PIK3AP1: variants seen among roughly 807,000 people sequenced by gnomAD.
PIK3AP1 encodes the protein phosphoinositide-3-kinase adaptor protein 1.
Under a neutral mutation model 88.1 loss-of-function variants are expected in PIK3AP1, and 21 were observed. The ratio of observed to expected loss-of-function variants is 0.24; its 90% CI spans 0.17 to 0.34. The LOEUF (loss-of-function observed/expected upper bound fraction) is 0.34. Among genes scored for constraint, PIK3AP1 ranks in the 10% least tolerant of loss-of-function variants. The pLI is 1.00. For synonymous variants in PIK3AP1, 398 were observed against 400.0 expected (o/e 1.00, Z 0.06); for missense variants, 828 against 1,035.7 (o/e 0.80, Z 2.75).
In PIK3AP1 at chr10:96,688,318, C is replaced by T. The variant is rs117785875; in HGVS notation, c.430+21249G>A. On this transcript the variant is annotated intron_variant, in intron 2 of 16. Transcript: ENST00000339364. ...GGGGTTGGTGATAAGAATCAAAGGG[C>T]GAGGATAAGTCACAGGAACTTAGCA... Among the ~76,000 whole-genome samples the T allele has an allele frequency of 2.5e-3, 376 of 152,046 alleles. 1 individual carries two copies. Among genetic ancestry groups the T allele is most frequent in the South Asian group, 9.7e-3 (47 of 4,822 alleles).
intron 8 of PIK3AP1, among the ~76,000 whole-genome samples, chr10:96,640,815 G>A (rs753445113): frequency 3.3e-5 from 5 of 151,632 alleles, no homozygotes; most frequent in Non-Finnish European, 7.4e-5. Flanking sequence ...GTGCCACCAC[G>A]CCCTGCTAAT....
chr10:96,694,863 C>T (rs1025600082), intron 2 of PIK3AP1, among the ~76,000 whole-genome samples: 2 of 152,050 alleles, frequency 1.3e-5, no homozygotes, highest in African/African-American at 4.8e-5. Context: ...GACTCAATGG[C>T]TTCTTGCCTC....
At chr10:96,656,696 T>G in intron 3 of PIK3AP1, 102 bp downstream of exon 3, 1 of 1,479,912 alleles carries the variant, frequency 6.8e-7, no homozygotes. Context: ...GCAATTATAC[T>G]GAGGTGCAAT....
chr10:96,668,636 G>A (rs1208767049), intron 2 of PIK3AP1, among the ~76,000 whole-genome samples: 1 of 152,184 alleles, frequency 6.6e-6, no homozygotes, highest in Non-Finnish European at 1.5e-5. Flanking sequence ...AGGGGAACCT[G>A]TGTGTCTCTG....
intron 2 of PIK3AP1, among the ~76,000 whole-genome samples, chr10:96,660,046 G>T (rs937396352): frequency 6.6e-6 from 1 of 151,954 alleles, no homozygotes; most frequent in African/African-American, 2.4e-5. Context: ...AATGGATAGA[G>T]CAATTGAATA....
At chr10:96,688,774 G>A (rs546554002) in intron 2 of PIK3AP1, among the ~76,000 whole-genome samples, 2 of 152,012 alleles carry the variant, frequency 1.3e-5, no homozygotes, top group Non-Finnish European at 2.9e-5. Context: ...CTCCAGGCCT[G>A]GGTGATAGAG....
intron 2 of PIK3AP1, among the ~76,000 whole-genome samples, chr10:96,682,011 TATAGAGAGAG>T (rs1326583492): frequency 2.3e-5 from 3 of 130,880 alleles, no homozygotes; most frequent in Non-Finnish European, 3.3e-5. Context: ...TATATATATA[TATAGAGAGAG>T]AGAGAGAGAG....
At chr10:96,717,079 G>A (rs1264886980) in intron 1 of PIK3AP1, among the ~76,000 whole-genome samples, 2 of 152,026 alleles carry the variant, frequency 1.3e-5, no homozygotes, top group African/African-American at 4.8e-5. Flanking sequence ...CTGGCATGGT[G>A]AAACCCTGTC....
At position 96,651,476 on chromosome 10, in the gene PIK3AP1, C is replaced by T. The variant is rs199881926; in HGVS notation, c.855+33G>A. The T allele has an allele frequency of 4.0e-4, 647 of 1,613,862 alleles. 3 individuals carry two copies. Among genetic ancestry groups the T allele is most frequent in the Admixed American group, 1.5e-4 (9 of 59,988 alleles). The stretch of plus-strand genomic sequence containing the variant: ...AAGCCATGAGCAGAAATTACATGCC[C>T]AGAAATCTCAGGTTTCCTTGTAATA... On this transcript the variant is annotated intron_variant, in intron 5 of 16. Coordinates refer to ENST00000339364, the MANE Select transcript of PIK3AP1 (RefSeq NM_152309.3).
intron 2 of PIK3AP1, among the ~76,000 whole-genome samples, chr10:96,662,378 G>A (rs1245918289): frequency 6.6e-6 from 1 of 151,948 alleles, no homozygotes; most frequent in African/African-American, 2.4e-5. Flanking sequence ...AAGGCGGGTG[G>A]ATCACCTGAG....
At chr10:96,709,530 T>C (rs760840122) in intron 2 of PIK3AP1, 37 bp downstream of exon 2, 1 of 1,561,900 alleles carries the variant, frequency 6.4e-7, no homozygotes, top group East Asian at 2.3e-5. Flanking sequence ...ATTAGCAACT[T>C]TTCTAGGGCT....
In PIK3AP1 at chr10:96,651,582, C is replaced by T. The variant is rs779117195; in HGVS notation, c.782G>A (p.Ser261Asn). The T allele has an allele frequency of 6.2e-7, 1 of 1,614,184 alleles. No homozygotes were observed. Among genetic ancestry groups the T allele is most frequent in the Non-Finnish European group, 8.5e-7 (1 of 1,180,014 alleles). ...AATTTCTTCCATGTCAGTATAATAG[C>T]TGATAACGGTTTCACACACCACTAA... is the stretch of plus-strand genomic sequence containing the variant. The part of the protein sequence containing the change: ...GDLVVCETVI[S>N]YYTDMEEIGN... Residue 261 changes from serine to asparagine, a missense_variant, in exon 5 of 17, where the codon AGC (serine) becomes AAC (asparagine). Ser to Asn is a conservative substitution (Grantham distance 46). This residue lies in a region of PIK3AP1 where 610 missense variants were observed against 760.1 expected (regional missense o/e 0.80). Coordinates refer to ENST00000339364, the MANE Select transcript of PIK3AP1 (RefSeq NM_152309.3).
intron 8 of PIK3AP1, among the ~76,000 whole-genome samples, chr10:96,640,286 G>GT (rs1843366636): frequency 6.6e-6 from 1 of 152,108 alleles, no homozygotes; most frequent in African/African-American, 2.4e-5. Flanking sequence ...AGAAAAATGA[G>GT]GCTCTCGGGT....
intron 3 of PIK3AP1, among the ~76,000 whole-genome samples, chr10:96,654,750 G>C (rs1272176117): frequency 6.6e-6 from 1 of 152,250 alleles, no homozygotes; most frequent in Non-Finnish European, 1.5e-5. Context: ...GAGTGAAGGA[G>C]ATAATGCTTT....
intron 6 of PIK3AP1, among the ~76,000 whole-genome samples, chr10:96,649,596 T>TAATAGGATAAG (rs1358026425): frequency 6.6e-6 from 1 of 152,232 alleles, no homozygotes; most frequent in Non-Finnish European, 1.5e-5. Flanking sequence ...TTATTCCTAA[T>TAATAGGATAAG]TTCATGATAA....
chr10:96,685,898 C>T (rs1036032633), intron 2 of PIK3AP1, among the ~76,000 whole-genome samples: 9 of 152,204 alleles, frequency 5.9e-5, no homozygotes, highest in African/African-American at 2.2e-4. Flanking sequence ...AATGCCCACA[C>T]ACTGGCTGAG....
intron 2 of PIK3AP1, among the ~76,000 whole-genome samples, chr10:96,664,501 T>G (rs868614301): frequency 4.0e-5 from 6 of 150,896 alleles, no homozygotes; most frequent in African/African-American, 1.5e-4. Context: ...TAGCTAATCA[T>G]TTTTTAAAAA....
intron 8 of PIK3AP1, among the ~76,000 whole-genome samples, chr10:96,641,160 G>A (rs900804737): frequency 2.6e-5 from 4 of 151,576 alleles, no homozygotes; most frequent in Non-Finnish European, 4.4e-5. Context: ...AGCAAGTTCA[G>A]GGGAAGAAGA....
In PIK3AP1 at chr10:96,652,791, C is replaced by T; in HGVS notation, c.619G>A (p.Ala207Thr). ...IVRCKLDDRV[A>T]TEAEFSPEDS... ...TCAGGAGAAAACTCTGCTTCTGTCGCCACCCTGTCATCCAGCTTACATCTC... is the reference window on the plus strand; with the variant it reads ...TCAGGAGAAAACTCTGCTTCTGTCGTCACCCTGTCATCCAGCTTACATCTC... The change falls in exon 4 of 17, where the codon GCG becomes ACG. Residue 207 changes from alanine to threonine, a missense_variant. Coordinates refer to ENST00000339364, the MANE Select transcript of PIK3AP1 (RefSeq NM_152309.3). 1 of 1,613,998 alleles carries T rather than the reference C, an allele frequency of 6.2e-7. No homozygotes were observed. The highest frequency in any genetic ancestry group is 8.5e-7 in the Non-Finnish European group (1 of 1,179,958).
Sources: gnomAD v4.1 joint callset for allele counts (sites outside exome capture counted in the v4.1 genomes callset) on GRCh38, gnomAD v4.1.1 for gene constraint, gnomAD v4.1.1 regional missense constraint, MANE v1.5 for transcripts, NCBI Gene and HGNC (gene_info 2026-07-23, HGNC 2026-07-21) for gene names.